TMEM108: variants seen among roughly 807,000 people sequenced by gnomAD.
TMEM108 encodes cancer/testis antigen 124.
Under a neutral mutation model 35.1 loss-of-function variants are expected in TMEM108, and 12 were observed. The observed-to-expected ratio is 0.34, with a 90% CI of 0.22 to 0.55. The LOEUF (loss-of-function observed/expected upper bound fraction) is 0.55, where lower values mean the gene tolerates loss of function less well. Among genes scored for constraint, TMEM108 ranks in the 20% least tolerant of loss-of-function variants. The pLI, the probability that TMEM108 is intolerant of heterozygous loss-of-function variation, is 0.89. For missense variants in TMEM108, 680 were observed against 753.3 expected, an observed-to-expected ratio of 0.90 and a Z score of 1.14; for synonymous variants, 287 against 308.6, an observed-to-expected ratio of 0.93 and a Z score of 0.73.
At chr3:133,041,535 A>G (rs577002836) in intron 1 of TMEM108, among the ~76,000 whole-genome samples, 1 of 152,328 alleles carries the variant, frequency 6.6e-6, no homozygotes, top group East Asian at 1.9e-4. Flanking sequence ...CGAAATCTCA[A>G]AGAAAATAGT....
At chr3:133,294,649 T>C (rs889716954) in intron 3 of TMEM108, among the ~76,000 whole-genome samples, 17 of 152,226 alleles carry the variant, frequency 1.1e-4, no homozygotes, top group African/African-American at 3.1e-4. Context: ...TAATTATTTT[T>C]TAAACTTCTG....
intron 2 of TMEM108, among the ~76,000 whole-genome samples, chr3:133,179,132 C>T (rs1236649566): frequency 9.3e-5 from 14 of 150,896 alleles, no homozygotes; most frequent in East Asian, 7.7e-4. Context: ...GTTAGAATGG[C>T]GATCATTAAA....
chr3:133,157,162 T>G (rs13325591), intron 2 of TMEM108, among the ~76,000 whole-genome samples: 34,394 of 152,150 alleles, frequency 0.23, 4,855 homozygotes, highest in Non-Finnish European at 0.32. Context: ...TTAGATTTGT[T>G]AATATCTTTG....
chr3:133,387,495 A>G lies in TMEM108; in HGVS notation c.1451-2685A>G, dbSNP rs184891296. ...CTCCCAGGCCTTCCCGCAGGGCAGG[A>G]TCTCTGCATCTGGCATTCTAACAAC... is the stretch of plus-strand genomic sequence containing the variant. On this transcript the variant is annotated intron_variant, in intron 4 of 5. Coordinates refer to ENST00000321871, the MANE Select transcript of TMEM108 (RefSeq NM_023943.4). 6.1e-4 allele frequency: 599 copies of G among 985,438 alleles called. 4 individuals are homozygous for G. In the African/African-American group the frequency reaches 9.3e-3, roughly 15 times the overall value. 61.0% of individuals were successfully genotyped at this position (985,438 alleles called of 1,614,324 possible). A position where few individuals can be genotyped will look rare whatever the true frequency, so the allele number is the denominator to read the frequency against.
chr3:133,307,843 G>T (rs777083194), intron 3 of TMEM108, among the ~76,000 whole-genome samples: 12 of 151,912 alleles, frequency 7.9e-5, no homozygotes, highest in Non-Finnish European at 1.5e-4. Context: ...GTCTTGGCGG[G>T]CCCTTTTTTG....
chr3:133,390,091 C>T, intron 4 of TMEM108, 89 bp from the exon 5 acceptor site: 1 of 1,506,908 alleles, frequency 6.6e-7, no homozygotes, highest in South Asian at 1.2e-5. Context: ...CTTACTCCAG[C>T]TGGGAACTCT....
At position 133,331,796 on chromosome 3, in the gene TMEM108, G is replaced by A. The variant is rs115851793; in HGVS notation, c.41-47956G>A. On this transcript the variant is annotated intron_variant, in intron 3 of 5. Coordinates refer to ENST00000321871, the MANE Select transcript of TMEM108 (RefSeq NM_023943.4). ...TACTTGTCAGGGGAATTCTAGTGAT[G>A]GAGGATGGGGAGGCCTCAAGACCCA... Among the ~76,000 whole-genome samples the A allele has an allele frequency of 8.3e-3, 1,260 of 152,316 alleles. 17 individuals are homozygous for A. The highest frequency in any genetic ancestry group is 0.029 in the African/African-American group (1,193 of 41,556).
intron 1 of TMEM108, among the ~76,000 whole-genome samples, chr3:133,040,280 T>G (rs955774103): frequency 4.7e-5 from 7 of 149,702 alleles, no homozygotes; most frequent in Non-Finnish European, 1.5e-5. Context: ...CTCGGCTCAC[T>G]GTAACCTCCG....
At chr3:133,181,659 A>AG (rs1358527824) in intron 2 of TMEM108, among the ~76,000 whole-genome samples, 1 of 152,188 alleles carries the variant, frequency 6.6e-6, no homozygotes, top group Non-Finnish European at 1.5e-5. Context: ...TCAAGGAATG[A>AG]GAAAAAGTAA....
At chr3:133,085,912 T>A (rs1943876304) in intron 2 of TMEM108, among the ~76,000 whole-genome samples, 4 of 152,176 alleles carry the variant, frequency 2.6e-5, no homozygotes. Flanking sequence ...ATTTTTAGAG[T>A]GAGACTTATT....
In TMEM108 at chr3:133,380,899, T is replaced by C; in HGVS notation, c.1188T>C (p.Thr396=). Residue 396 remains threonine, a synonymous_variant, in exon 4 of 6, where the codon ACT becomes ACC. Transcript: ENST00000321871. This position sits in a 1 kb window ranked among gnomAD's most constrained non-coding sequence, Gnocchi z 5.3. ...ATCCCTCCAGGGTCTCAGAAAGCAC[T>C]ATTTCTGGAGCCAAGGAGGAGACTG... ...PTHPSRVSES[T]ISGAKEETVA... The C allele has an allele frequency of 1.2e-6, 2 of 1,614,108 alleles. No individual in the cohort carries two copies. The highest frequency in any genetic ancestry group is 8.5e-7 in the Non-Finnish European group (1 of 1,180,014).
intron 2 of TMEM108, among the ~76,000 whole-genome samples, chr3:133,216,304 G>T (rs760854529): frequency 2.0e-5 from 3 of 151,992 alleles, no homozygotes; most frequent in Non-Finnish European, 4.4e-5. Context: ...GAGAAGCAAG[G>T]TTCTATTAGG....
chr3:133,327,962 T>G (rs886272212), intron 3 of TMEM108, among the ~76,000 whole-genome samples: 1 of 152,184 alleles, frequency 6.6e-6, no homozygotes, highest in African/African-American at 2.4e-5. Flanking sequence ...CCCAATTCCG[T>G]TTGTTGGACA....
At position 133,209,008 on chromosome 3, in the gene TMEM108, G is replaced by A. The variant is rs548970001; in HGVS notation, c.-46-20258G>A. On this transcript the variant is annotated intron_variant, in intron 2 of 5. Coordinates refer to ENST00000321871, the MANE Select transcript of TMEM108 (RefSeq NM_023943.4). ...CTCAAAACTATCTTGCAGTATAGACGTTGTACCCATTTTATTGATAGTAAT... is the reference window on the plus strand; with the variant it reads ...CTCAAAACTATCTTGCAGTATAGACATTGTACCCATTTTATTGATAGTAAT... Among the ~76,000 whole-genome samples the A allele has an allele frequency of 5.3e-5, 8 of 152,248 alleles. No individual in the cohort carries two copies. In the South Asian group the frequency reaches 1.7e-3, roughly 32 times the overall value.
chr3:133,216,907 T>G (rs1023163102), intron 2 of TMEM108, among the ~76,000 whole-genome samples: 1 of 152,126 alleles, frequency 6.6e-6, no homozygotes, highest in Non-Finnish European at 1.5e-5. Context: ...GACGTGCATA[T>G]CTCTACATAC....
At chr3:133,371,346 T>C (rs1051101283) in intron 3 of TMEM108, among the ~76,000 whole-genome samples, 5 of 152,170 alleles carry the variant, frequency 3.3e-5, no homozygotes, top group Admixed American at 6.5e-5. Flanking sequence ...GTCAGCTTGA[T>C]GGGCTGGAAG....
chr3:133,262,080 C>G (rs1156927360), intron 3 of TMEM108, among the ~76,000 whole-genome samples: 2 of 152,196 alleles, frequency 1.3e-5, no homozygotes, highest in Non-Finnish European at 2.9e-5. Context: ...CTTTACCATT[C>G]AGGTTATAGC....
chr3:133,287,028 C>T (rs368156515), intron 3 of TMEM108, among the ~76,000 whole-genome samples: 3 of 152,124 alleles, frequency 2.0e-5, no homozygotes, highest in Admixed American at 1.3e-4. Flanking sequence ...AGTTGAATCC[C>T]GTGCTCTTCT....
In TMEM108 at chr3:133,072,460, A is replaced by G. The variant is rs562575973; in HGVS notation, c.-47+26440A>G. On this transcript the variant is annotated intron_variant, in intron 2 of 5. Transcript: ENST00000321871. ...ATATAAAATTATTAAGGATAATATA[A>G]TATAAATTATTAAGTATTTCACAAG... Among the ~76,000 whole-genome samples, 95 of 152,098 alleles carry G rather than the reference A, an allele frequency of 6.2e-4. 1 individual carries two copies. The South Asian group carries it at 0.02, about 31-fold the overall frequency.
Sources: allele counts gnomAD v4.1 joint callset (sites outside exome capture counted in the v4.1 genomes callset), GRCh38; gene constraint gnomAD v4.1.1; non-coding constraint Gnocchi (gnomAD v3.1); transcripts MANE v1.5; gene names NCBI Gene and HGNC (gene_info 2026-07-23, HGNC 2026-07-21).